ULK4: variants seen among roughly 807,000 people sequenced by gnomAD.
The protein encoded by ULK4 is unc-51 like kinase 4, also known as inactive serine/threonine-protein kinase ULK4.
ULK4 carries 133 observed loss-of-function variants against 160.6 expected under a neutral mutation model. The observed-to-expected ratio is 0.83, with a 90% CI of 0.72 to 0.96. The LOEUF is 0.96. Among genes scored for constraint, ULK4 ranks in the 40% least tolerant of loss-of-function variants. The probability of loss-of-function intolerance (pLI) is 0.00; values close to 1 mark genes in which losing one functional copy is unlikely to be tolerated. For missense variants in ULK4, 1,580 were observed against 1,499.5 expected (o/e 1.05, Z -0.89); for synonymous variants, 534 against 539.8 (o/e 0.99, Z 0.15).
Position 41,627,090 on chromosome 3 carries a change from CT to C in ULK4, c.3072-11374del, listed in dbSNP as rs749062412. ...TCACACCATTATTAACATTTTCTAA[CT>C]TTCCTTTAAAATTTAAAACTTTTGC... is the stretch of plus-strand genomic sequence containing the variant. On this transcript the variant is annotated intron_variant, in intron 30 of 36. Transcript: ENST00000301831. 2.6e-4 allele frequency among the ~76,000 whole-genome samples: 40 copies of C among 152,176 alleles called. 1 individual carries two copies. Among genetic ancestry groups the C allele is most frequent in the African/African-American group, 2.4e-5 (1 of 41,426 alleles).
intron 30 of ULK4, among the ~76,000 whole-genome samples, chr3:41,647,639 CA>C: frequency 6.6e-6 from 1 of 152,334 alleles, no homozygotes; most frequent in Non-Finnish European, 1.5e-5. Context: ...GCTTGGGGGT[CA>C]GGGGTCAGGG....
chr3:41,804,561 C>A (rs1416987640), intron 19 of ULK4, among the ~76,000 whole-genome samples: 1 of 151,378 alleles, frequency 6.6e-6, no homozygotes, highest in East Asian at 1.9e-4. Context: ...CTTGCCCATG[C>A]CTATGTCCTG....
chr3:41,573,221 T>C (rs2088064431), intron 31 of ULK4, among the ~76,000 whole-genome samples: 1 of 152,192 alleles, frequency 6.6e-6, no homozygotes, highest in Non-Finnish European at 1.5e-5. Context: ...TTTCAGCAAA[T>C]GAAAGGCAGG....
chr3:41,395,470 C>T (rs558584992), intron 35 of ULK4, among the ~76,000 whole-genome samples: 1 of 152,212 alleles, frequency 6.6e-6, no homozygotes, highest in African/African-American at 2.4e-5. Context: ...CTAGCACGTG[C>T]TACATCATGA....
intron 35 of ULK4, among the ~76,000 whole-genome samples, chr3:41,339,521 C>T (rs1185922012): frequency 1.3e-5 from 2 of 152,208 alleles, no homozygotes; most frequent in Non-Finnish European, 2.9e-5. Context: ...GCTTCTCCCA[C>T]TCCATTACAG....
chr3:41,787,494 CCA>C (rs1439212953), intron 21 of ULK4, among the ~76,000 whole-genome samples: 1 of 152,132 alleles, frequency 6.6e-6, no homozygotes, highest in Non-Finnish European at 1.5e-5. Flanking sequence ...CCATCCCAAC[CCA>C]GCAACATCAA....
chr3:41,375,973 G>A (rs889802447), intron 35 of ULK4, among the ~76,000 whole-genome samples: 1 of 150,142 alleles, frequency 6.7e-6, no homozygotes, highest in Non-Finnish European at 1.5e-5. Context: ...AATGGGCAAA[G>A]GATATGAACA....
At chr3:41,935,094 C>A (rs1035521124) in intron 4 of ULK4, among the ~76,000 whole-genome samples, 4 of 142,180 alleles carry the variant, frequency 2.8e-5, no homozygotes, top group Admixed American at 2.3e-4. Flanking sequence ...CAGCTCACTG[C>A]AACCTCTGCC....
intron 30 of ULK4, among the ~76,000 whole-genome samples, chr3:41,650,266 G>A (rs2034686044): frequency 6.6e-6 from 1 of 152,184 alleles, no homozygotes; most frequent in Admixed American, 6.5e-5. Context: ...CAAATGCCAG[G>A]ACTGAAAGAG....
intron 12 of ULK4, among the ~76,000 whole-genome samples, chr3:41,906,563 A>G (rs1698568923): frequency 6.6e-6 from 1 of 152,090 alleles, no homozygotes; most frequent in African/African-American, 2.4e-5. Flanking sequence ...TTAACACATG[A>G]CACAGCAATT....
intron 35 of ULK4, among the ~76,000 whole-genome samples, chr3:41,263,156 T>C (rs1172341859): frequency 2.0e-5 from 2 of 100,810 alleles, no homozygotes; most frequent in African/African-American, 1.7e-4. Context: ...ATACTTGGGG[T>C]GGTAACCAAA....
rs1019475088 is a variant in ULK4 at position 41,305,236 on chromosome 3, C to A, written c.3679-55662G>T. On this transcript the variant is annotated intron_variant, in intron 35 of 36. Coordinates refer to ENST00000301831, the MANE Select transcript of ULK4 (RefSeq NM_017886.4). ...CACGGTCTCCCTCTCCCTCTCCCCACGGTCTCCCTCTCCCTCTCTTTCCAC... is the reference window on the plus strand; with the variant it reads ...CACGGTCTCCCTCTCCCTCTCCCCAAGGTCTCCCTCTCCCTCTCTTTCCAC... 2.6e-5 allele frequency among the ~76,000 whole-genome samples: 4 copies of A among 152,298 alleles called. No homozygotes were observed. The South Asian group carries it at 8.3e-4, about 32-fold the overall frequency.
chr3:41,628,217 A>T (rs1421418653), intron 30 of ULK4, among the ~76,000 whole-genome samples: 3 of 152,194 alleles, frequency 2.0e-5, no homozygotes, highest in Non-Finnish European at 2.9e-5. Context: ...TCTGAAAGAT[A>T]GTTTATTTCT....
intron 12 of ULK4, among the ~76,000 whole-genome samples, chr3:41,901,169 CTTCTTTTTTTT>C (rs780018550): frequency 1.0e-5 from 1 of 95,770 alleles, no homozygotes; most frequent in South Asian, 4.4e-4. Context: ...AACAGCATGG[CTTCTTTTTTTT>C]TTTTTTTTTT....
At chr3:41,348,931 T>C (rs1025698797) in intron 35 of ULK4, among the ~76,000 whole-genome samples, 1 of 152,176 alleles carries the variant, frequency 6.6e-6, no homozygotes, top group African/African-American at 2.4e-5. Flanking sequence ...TCTTCTGTAA[T>C]GTCACTTAGA....
At chr3:41,421,903 T>C (rs1323672304) in intron 34 of ULK4, among the ~76,000 whole-genome samples, 10 of 152,148 alleles carry the variant, frequency 6.6e-5, no homozygotes, top group Non-Finnish European at 1.3e-4. Context: ...TAATTAAAGA[T>C]CTTGTAGATG....
chr3:41,862,792 C>A (rs34136790), intron 17 of ULK4, among the ~76,000 whole-genome samples: 1 of 150,388 alleles, frequency 6.6e-6, no homozygotes, highest in Admixed American at 6.6e-5. Context: ...TCTCCGCTCC[C>A]CCCCCCCTTT....
intron 30 of ULK4, among the ~76,000 whole-genome samples, chr3:41,657,149 T>A (rs1400943767): frequency 6.6e-6 from 1 of 151,940 alleles, no homozygotes; most frequent in Non-Finnish European, 1.5e-5. Context: ...TAAAAAAAAA[T>A]CCTGGTCATG....
At chr3:41,347,672 A>G (rs1294594636) in intron 35 of ULK4, among the ~76,000 whole-genome samples, 1 of 151,976 alleles carries the variant, frequency 6.6e-6, no homozygotes, top group African/African-American at 2.4e-5. Context: ...TTGCAAACTC[A>G]TCTCGGATAC....
Sources: gnomAD v4.1 joint callset for allele counts (sites outside exome capture counted in the v4.1 genomes callset) on GRCh38, gnomAD v4.1.1 for gene constraint, MANE v1.5 for transcripts, NCBI Gene and HGNC (gene_info 2026-07-23, HGNC 2026-07-21) for gene names.